The following MSRA variants were observed in gnomAD, a reference collection of about 807,000 sequenced individuals.
MSRA encodes mitochondrial peptide methionine sulfoxide reductase.
In MSRA, 54 loss-of-function variants were observed where a neutral mutation model predicts 31.3. That is an observed-to-expected ratio of 1.73 (90% confidence interval 1.39 to 2.17). MSRA has a LOEUF of 2.17. MSRA is among the 30% of genes most tolerant of loss of function. The probability of loss-of-function intolerance (pLI) is 0.00; values close to 1 mark genes in which losing one functional copy is unlikely to be tolerated. For missense variants in MSRA, 507 were observed against 300.9 expected, an observed-to-expected ratio of 1.69 and a Z score of -5.07; for synonymous variants, 169 against 116.5, an observed-to-expected ratio of 1.45 and a Z score of -2.90.
rs183520054 is a variant in MSRA at position 10,395,634 on chromosome 8, G to A, written c.544-32514G>A. ...AATGAGTCATCTCAGCTTGGCATGC[G>A]AACAGTTTTTGTCATCACTCCTCTG... On this transcript the variant is annotated intron_variant, in intron 5 of 5. Coordinates refer to ENST00000317173, the MANE Select transcript of MSRA (RefSeq NM_012331.5). 2.1e-3 allele frequency among the ~76,000 whole-genome samples: 325 copies of A among 152,256 alleles called. 2 individuals are homozygous for A. Among genetic ancestry groups the A allele is most frequent in the African/African-American group, 7.6e-3 (314 of 41,546 alleles).
rs34417929 is a variant in MSRA, at chr8:10,355,352, C to G, written c.543+35363C>G. On this transcript the variant is annotated intron_variant, in intron 5 of 5. Coordinates refer to ENST00000317173, the MANE Select transcript of MSRA (RefSeq NM_012331.5). ...GGATTTTTGATGGAAGCTTTATCGC[C>G]GATAGATATGACATTTGCCGAGTAG... Among the ~76,000 whole-genome samples, 991 of 152,258 alleles carry G rather than the reference C, an allele frequency of 6.5e-3. 5 individuals carry two copies. The highest frequency in any genetic ancestry group is 8.1e-3 in the Non-Finnish European group (554 of 68,022).
At chr8:10,422,515 C>T (rs1443661580) in intron 5 of MSRA, among the ~76,000 whole-genome samples, 3 of 152,204 alleles carry the variant, frequency 2.0e-5, no homozygotes, top group African/African-American at 7.2e-5. Context: ...CAGAAATTCC[C>T]TGGGCCAGGT....
chr8:10,250,489 G>A (rs936945089), intron 3 of MSRA: 9 of 701,904 alleles, frequency 1.3e-5, no homozygotes, highest in African/African-American at 8.7e-5. Context: ...CAGCCAAGTG[G>A]CACTGAATCC....
At chr8:10,189,760 T>C (rs751675564) in intron 1 of MSRA, among the ~76,000 whole-genome samples, 2 of 152,208 alleles carry the variant, frequency 1.3e-5, no homozygotes, top group Non-Finnish European at 2.9e-5. Flanking sequence ...TTAAATTCTG[T>C]GTTCATAAAG....
chr8:10,376,248 A>G (rs1266596003), intron 5 of MSRA, among the ~76,000 whole-genome samples: 2 of 152,226 alleles, frequency 1.3e-5, no homozygotes, highest in South Asian at 2.1e-4. Flanking sequence ...GGGCATTGAT[A>G]CTTCTGACAA....
intron 1 of MSRA, chr8:10,059,244 T>C (rs912377241): frequency 6.6e-6 from 1 of 152,230 alleles, no homozygotes; most frequent in South Asian, 2.1e-4. Flanking sequence ...ATTCCAGATA[T>C]ATGATGATAA....
At chr8:10,101,964 T>C (rs1188724843) in intron 1 of MSRA, among the ~76,000 whole-genome samples, 1 of 152,216 alleles carries the variant, frequency 6.6e-6, no homozygotes, top group African/African-American at 2.4e-5. Context: ...TTGTACTCCC[T>C]TCTTTTGCCT....
chr8:10,372,501 G>C (rs778924429), intron 5 of MSRA, among the ~76,000 whole-genome samples: 1 of 152,144 alleles, frequency 6.6e-6, no homozygotes, highest in Non-Finnish European at 1.5e-5. Context: ...CCGATTTCTA[G>C]ATAAATAAAT....
intron 1 of MSRA, among the ~76,000 whole-genome samples, chr8:10,133,691 A>G (rs1341808775): frequency 1.3e-5 from 2 of 152,216 alleles, no homozygotes; most frequent in African/African-American, 2.4e-5. Context: ...AGTACTAAGC[A>G]TGTGGCCTGG....
At chr8:10,174,201 T>C (rs1391120607) in intron 1 of MSRA, among the ~76,000 whole-genome samples, 2 of 152,072 alleles carry the variant, frequency 1.3e-5, no homozygotes, top group Non-Finnish European at 2.9e-5. Flanking sequence ...CCTGGATATT[T>C]TGGTGAGGGT....
In MSRA at chr8:10,180,691, C is replaced by A. The variant is rs1806462606; in HGVS notation, c.143-27142C>A. Among the ~76,000 whole-genome samples the A allele has an allele frequency of 3.3e-5, 5 of 152,154 alleles. 1 individual carries two copies. In the South Asian group the frequency reaches 1.0e-3, roughly 32 times the overall value. Reference sequence around the variant, plus strand: ...TGTACCAGGAACCAGAGGCAGAGAGCAAATACATATTCCTTTTTGTGTCAT... The same window carrying A: ...TGTACCAGGAACCAGAGGCAGAGAGAAAATACATATTCCTTTTTGTGTCAT... On this transcript the variant is annotated intron_variant, in intron 1 of 5. Coordinates refer to ENST00000317173, the MANE Select transcript of MSRA (RefSeq NM_012331.5).
chr8:10,222,895 C>A (rs1810654094), intron 2 of MSRA, among the ~76,000 whole-genome samples: 1 of 152,092 alleles, frequency 6.6e-6, no homozygotes, highest in African/African-American at 2.4e-5. Context: ...TTCTGGAGAT[C>A]TTGGTGACTA....
chr8:10,302,522 C>T (rs1424846174), intron 4 of MSRA, among the ~76,000 whole-genome samples: 1 of 152,152 alleles, frequency 6.6e-6, no homozygotes, highest in Non-Finnish European at 1.5e-5. Flanking sequence ...AGTTTTTCTC[C>T]AAATGTAAAT....
At chr8:10,278,346 A>AT (rs1348233691) in intron 3 of MSRA, among the ~76,000 whole-genome samples, 1 of 152,232 alleles carries the variant, frequency 6.6e-6, no homozygotes, top group East Asian at 1.9e-4. Context: ...ACCACCTGCC[A>AT]TCACAAGTAG....
At chr8:10,418,815 T>TAAAAAAAAAA (rs71203323) in intron 5 of MSRA, among the ~76,000 whole-genome samples, 6 of 66,012 alleles carry the variant, frequency 9.1e-5, no homozygotes, top group Admixed American at 5.8e-4. Flanking sequence ...TTACTACGAC[T>TAAAAAAAAAA]AAAAAAAAAA....
At chr8:10,211,888 C>G (rs963292038) in intron 2 of MSRA, among the ~76,000 whole-genome samples, 54 of 152,208 alleles carry the variant, frequency 3.5e-4, no homozygotes, top group African/African-American at 1.3e-3. Flanking sequence ...TACTCATTGC[C>G]TTAAAAATAC....
intron 3 of MSRA, among the ~76,000 whole-genome samples, chr8:10,277,925 A>T (rs961998696): frequency 3.3e-5 from 5 of 152,210 alleles, no homozygotes; most frequent in African/African-American, 1.2e-4. Context: ...AACTCTTTAC[A>T]TAGGCAATAA....
At chr8:10,375,801 A>G (rs1805725993) in intron 5 of MSRA, among the ~76,000 whole-genome samples, 1 of 152,150 alleles carries the variant, frequency 6.6e-6, no homozygotes, top group East Asian at 1.9e-4. Flanking sequence ...GGTCATGGTC[A>G]TTTCTTTTCT....
At chr8:10,384,976 TG>T (rs1255676503) in intron 5 of MSRA, among the ~76,000 whole-genome samples, 1 of 151,930 alleles carries the variant, frequency 6.6e-6, no homozygotes, top group Non-Finnish European at 1.5e-5. Context: ...CACTCCAGCC[TG>T]GGTGACAGAG....
Sources: gnomAD v4.1 joint callset for allele counts (sites outside exome capture counted in the v4.1 genomes callset) on GRCh38, gnomAD v4.1.1 for gene constraint, MANE v1.5 for transcripts, NCBI Gene and HGNC (gene_info 2026-07-23, HGNC 2026-07-21) for gene names.